The following RASGRF2 variants were observed in gnomAD, a reference collection of about 807,000 sequenced individuals.
RASGRF2 encodes the protein ras-specific guanine nucleotide-releasing factor 2.
Under a neutral mutation model 151.0 loss-of-function variants are expected in RASGRF2, and 76 were observed. The observed-to-expected ratio is 0.50, with a 90% CI of 0.42 to 0.61. The LOEUF (loss-of-function observed/expected upper bound fraction) is 0.61. Among genes scored for constraint, RASGRF2 ranks in the 20% least tolerant of loss-of-function variants. The pLI, the probability that RASGRF2 is intolerant of heterozygous loss-of-function variation, is 0.00. For missense variants in RASGRF2, 1,148 were observed against 1,564.6 expected (o/e 0.73, Z 4.49); for synonymous variants, 504 against 566.5 (o/e 0.89, Z 1.57).
chr5:81,217,670 C>T (rs1260797316), intron 25 of RASGRF2, among the ~76,000 whole-genome samples, 197 bp downstream of exon 25: 3 of 146,798 alleles, frequency 2.0e-5, no homozygotes, highest in African/African-American at 7.6e-5. Context: ...ACCTCTGCCT[C>T]TGGGTTCAAT....
intron 1 of RASGRF2, among the ~76,000 whole-genome samples, chr5:80,981,839 G>C (rs1414107635): frequency 2.0e-5 from 3 of 152,094 alleles, no homozygotes; most frequent in South Asian, 4.1e-4. Flanking sequence ...TATTCTTTAG[G>C]AGGTGTCCCA....
At chr5:81,101,595 A>C (rs977415580) in intron 12 of RASGRF2, among the ~76,000 whole-genome samples, 9 of 151,944 alleles carry the variant, frequency 5.9e-5, no homozygotes, top group Non-Finnish European at 2.9e-5. Context: ...AATAAGATCG[A>C]TCTATCTATC....
chr5:81,219,902 G>C, intron 26 of RASGRF2, 124 bp downstream of exon 26: 10 of 443,170 alleles, frequency 2.3e-5, no homozygotes, highest in East Asian at 1.7e-4. Context: ...CAGTAAAATA[G>C]AAAATCTTTG....
At chr5:81,189,611 C>T (rs868512983) in intron 18 of RASGRF2, among the ~76,000 whole-genome samples, 21 of 151,648 alleles carry the variant, frequency 1.4e-4, no homozygotes, top group South Asian at 2.1e-4. Flanking sequence ...CTTCCACCTC[C>T]GCCTCCCAAA....
intron 17 of RASGRF2, among the ~76,000 whole-genome samples, chr5:81,137,373 G>C (rs1322247185): frequency 6.6e-6 from 1 of 152,070 alleles, no homozygotes; most frequent in Non-Finnish European, 1.5e-5. Context: ...GGGTTTATTG[G>C]GATGTAACTC....
chr5:81,125,272 G>A (rs965007333), intron 16 of RASGRF2, among the ~76,000 whole-genome samples: 8 of 152,110 alleles, frequency 5.3e-5, no homozygotes, highest in Admixed American at 2.0e-4. Context: ...AATGGTTATC[G>A]GTGGCCTTAG....
At chr5:81,020,536 AGT>A (rs1209129018) in intron 1 of RASGRF2, among the ~76,000 whole-genome samples, 1 of 152,154 alleles carries the variant, frequency 6.6e-6, no homozygotes, top group Non-Finnish European at 1.5e-5. Flanking sequence ...TGCCTGGCAA[AGT>A]GCTAGGATTG....
chr5:81,169,808 T>G (rs1204925472), intron 17 of RASGRF2, among the ~76,000 whole-genome samples: 1 of 151,456 alleles, frequency 6.6e-6, no homozygotes, highest in Non-Finnish European at 1.5e-5. Flanking sequence ...ACCACCTGCA[T>G]CACCTGCACC....
intron 9 of RASGRF2, chr5:81,088,412 A>G (rs796583909): frequency 4.5e-4 from 68 of 152,198 alleles, no homozygotes; most frequent in African/African-American, 1.5e-3. Flanking sequence ...CGTGTATTTC[A>G]TCCTCTTGCT....
At position 81,042,709 on chromosome 5, in the gene RASGRF2, G is replaced by C. The variant is rs148597057; in HGVS notation, c.289-168G>C. On this transcript the variant is annotated intron_variant, in intron 1 of 26. Transcript: ENST00000265080. ...CAGTCTGTGGTATCTTCTAGGTGCAGAGTCATTGCCAACTGGACCCAGAGT... is the reference window on the plus strand; with the variant it reads ...CAGTCTGTGGTATCTTCTAGGTGCACAGTCATTGCCAACTGGACCCAGAGT... Among the ~76,000 whole-genome samples, 31 of 152,308 alleles carry C rather than the reference G, an allele frequency of 2.0e-4. No individual in the cohort carries two copies. In the East Asian group the frequency reaches 6.0e-3, roughly 29 times the overall value.
chr5:81,132,721 G>A (rs1580346613), intron 17 of RASGRF2, among the ~76,000 whole-genome samples: 1 of 152,148 alleles, frequency 6.6e-6, no homozygotes, highest in East Asian at 1.9e-4. Context: ...AACAAGAATG[G>A]GTTTTGTGTT....
At chr5:81,194,953 T>G (rs1254047580) in intron 18 of RASGRF2, among the ~76,000 whole-genome samples, 1 of 152,256 alleles carries the variant, frequency 6.6e-6, no homozygotes, top group Non-Finnish European at 1.5e-5. Flanking sequence ...ATTTTCTGAG[T>G]GCGCCACCTT....
chr5:81,011,883 G>A (rs1011802031), intron 1 of RASGRF2, among the ~76,000 whole-genome samples: 6 of 151,798 alleles, frequency 4.0e-5, no homozygotes, highest in East Asian at 1.9e-4. Context: ...TATATACATA[G>A]ACATTATATA....
At chr5:81,159,177 G>T (rs1192391921) in intron 17 of RASGRF2, among the ~76,000 whole-genome samples, 1 of 151,494 alleles carries the variant, frequency 6.6e-6, no homozygotes, top group African/African-American at 2.5e-5. Context: ...CAATAAAAAG[G>T]AATGAATGAC....
chr5:81,162,971 G>T (rs959389022), intron 17 of RASGRF2, among the ~76,000 whole-genome samples: 1 of 152,110 alleles, frequency 6.6e-6, no homozygotes, highest in Non-Finnish European at 1.5e-5. Flanking sequence ...GGCCCATCAA[G>T]GGGGCTGCTG....
chr5:81,028,638 C>T (rs1750123572), intron 1 of RASGRF2, among the ~76,000 whole-genome samples: 2 of 152,096 alleles, frequency 1.3e-5, no homozygotes, highest in South Asian at 4.2e-4. Context: ...CTACCAGAAG[C>T]CATGAAAATA....
At chr5:81,066,195 G>A (rs780229539) in intron 2 of RASGRF2, among the ~76,000 whole-genome samples, 2 of 151,878 alleles carry the variant, frequency 1.3e-5, no homozygotes, top group African/African-American at 4.8e-5. Flanking sequence ...TTCCTATCAA[G>A]ACTCTTCTAT....
In RASGRF2 at chr5:81,123,677, G is replaced by A; in HGVS notation, c.2506G>A (p.Val836Met). ...GTCTGCACCAGCGGACCGAGCAGGA[G>A]TGGAAAGCTCCCCTGCAGCGGACAC... is the stretch of plus-strand genomic sequence containing the variant. ...LESAPADRAGVESSPAADTTE... is the reference protein window; with the variant it reads ...LESAPADRAGMESSPAADTTE... The change falls in exon 16 of 27, where the codon GTG becomes ATG. Residue 836 changes from valine to methionine, a missense_variant. By Grantham distance (21) the Val-to-Met change is conservative. This residue lies in a region of RASGRF2 where 646 missense variants were observed against 807.4 expected (regional missense o/e 0.80). Transcript: ENST00000265080. The A allele has an allele frequency of 1.2e-6, 2 of 1,614,048 alleles. No homozygotes were observed. Among genetic ancestry groups the A allele is most frequent in the Non-Finnish European group, 1.7e-6 (2 of 1,179,976 alleles).
At position 81,073,351 on chromosome 5, in the gene RASGRF2, C is replaced by T. The variant is rs765887785; in HGVS notation, c.786C>T (p.Leu262=). 6.2e-7 allele frequency: 1 copy of T among 1,614,176 alleles called. No homozygotes were observed. Among genetic ancestry groups the T allele is most frequent in the Non-Finnish European group, 8.5e-7 (1 of 1,180,008 alleles). ...VEAESEYVHQ[L]YILVNGFLRP... is the part of the protein sequence containing the mutation. The stretch of plus-strand genomic sequence containing the variant: ...CAGAGTCAGAGTACGTTCACCAGCT[C>T]TACATCCTGGTCAATGGCTTTCTCC... Residue 262 remains leucine, a synonymous_variant, in exon 5 of 27, where the codon CTC becomes CTT. Transcript: ENST00000265080.
Sources: gnomAD v4.1 joint callset for allele counts (sites outside exome capture counted in the v4.1 genomes callset) on GRCh38, gnomAD v4.1.1 for gene constraint, gnomAD v4.1.1 regional missense constraint, MANE v1.5 for transcripts, NCBI Gene and HGNC (gene_info 2026-07-23, HGNC 2026-07-21) for gene names.